ADCY7: variants seen among roughly 807,000 people sequenced by gnomAD.
ADCY7 encodes adenylate cyclase 7.
Under a neutral mutation model 120.6 loss-of-function variants are expected in ADCY7, and 72 were observed. That is an observed-to-expected ratio of 0.60 (90% CI 0.49 to 0.73). The LOEUF (loss-of-function observed/expected upper bound fraction) is 0.73, where lower values mean the gene tolerates loss of function less well. Among genes scored for constraint, ADCY7 ranks in the 30% least tolerant of loss-of-function variants. The probability of loss-of-function intolerance (pLI) is 0.00; values close to 1 mark genes in which losing one functional copy is unlikely to be tolerated. For missense variants in ADCY7, 1,227 were observed against 1,486.0 expected (o/e 0.83, Z 2.87); for synonymous variants, 661 against 628.0 (o/e 1.05, Z -0.78).
At chr16:50,253,622 C>T (rs2032823860) in intron 1 of ADCY7, among the ~76,000 whole-genome samples, 1 of 152,230 alleles carries the variant, frequency 6.6e-6, no homozygotes, top group African/African-American at 2.4e-5. Context: ...GGGACCACGT[C>T]TGGGAGTGTG....
At chr16:50,251,001 A>G (rs1232314902) in intron 1 of ADCY7, among the ~76,000 whole-genome samples, 3 of 152,122 alleles carry the variant, frequency 2.0e-5, no homozygotes, top group African/African-American at 7.2e-5. Context: ...TTGGGAGGCC[A>G]AGGTAGGAGG....
At chr16:50,253,320 G>A (rs187401546) in intron 1 of ADCY7, among the ~76,000 whole-genome samples, 3 of 152,162 alleles carry the variant, frequency 2.0e-5, no homozygotes, top group African/African-American at 4.8e-5. Flanking sequence ...GCGCAATCTC[G>A]TCTCACTGCA....
At chr16:50,263,180 A>G (rs2033104091), upstream of ADCY7, among the ~76,000 whole-genome samples, 1 of 152,054 alleles carries the variant, frequency 6.6e-6, no homozygotes, top group South Asian at 2.1e-4. Context: ...GGCCTTCCTC[A>G]GTGGGGCTGC....
intron 10 of ADCY7, among the ~76,000 whole-genome samples, chr16:50,303,510 C>G (rs1008319501): frequency 6.6e-6 from 1 of 152,186 alleles, no homozygotes; most frequent in African/African-American, 2.4e-5. Flanking sequence ...TTAAGCTCAT[C>G]TCTGGTGGCC....
intron 1 of ADCY7, among the ~76,000 whole-genome samples, chr16:50,269,266 G>T (rs115032506): frequency 6.6e-6 from 1 of 152,316 alleles, no homozygotes; most frequent in African/African-American, 2.4e-5. Context: ...ATCCAGTTGT[G>T]CCCACCACAG....
chr16:50,305,610 C>CCCCCCTCTCCTCT, intron 13 of ADCY7, 24 bp downstream of exon 13: 1 of 1,571,808 alleles, frequency 6.4e-7, no homozygotes, highest in South Asian at 1.2e-5. Context: ...CCTCTGTCCA[C>CCCCCCTCTCCTCT]CCCCCTCTCC....
intron 1 of ADCY7, among the ~76,000 whole-genome samples, chr16:50,247,461 AG>A (rs2032625836): frequency 6.6e-6 from 1 of 151,784 alleles, no homozygotes; most frequent in African/African-American, 2.4e-5. Context: ...TCCCAGGCTC[AG>A]GTGATCCTCC....
At chr16:50,288,729 C>T (rs1019992979) in intron 2 of ADCY7, among the ~76,000 whole-genome samples, 22 of 152,138 alleles carry the variant, frequency 1.4e-4, no homozygotes, top group Non-Finnish European at 1.5e-4. Context: ...CCACCTGCTT[C>T]GGCCCCCCAA....
chr16:50,283,782 C>T (rs769999785), intron 1 of ADCY7, among the ~76,000 whole-genome samples: 5 of 152,146 alleles, frequency 3.3e-5, no homozygotes, highest in Non-Finnish European at 7.4e-5. Flanking sequence ...GGAGTTCAGA[C>T]AGGACCCATG....
At chr16:50,245,409 A>G (rs2032548414), upstream of ADCY7, among the ~76,000 whole-genome samples, 1 of 152,092 alleles carries the variant, frequency 6.6e-6, no homozygotes, top group African/African-American at 2.4e-5. Flanking sequence ...GCCCTCGTAG[A>G]CTTGATTACT....
chr16:50,315,732 G>T lies in ADCY7; in HGVS notation c.*227G>T. 1 of 481,640 alleles carries T rather than the reference G, an allele frequency of 2.1e-6. No individual in the cohort carries two copies. The allele number at this position is 481,640 out of a possible 1,614,324, so 29.8% of individuals were successfully genotyped here. ...GGGGAGGCCAGAAGCTCTGTGCCTG[G>T]TCTGTAACAGTTTCCAGGCCAGCTG... On this transcript the variant is annotated 3_prime_UTR_variant, in exon 26 of 26. Transcript: ENST00000673801.
chr16:50,277,180 G>A (rs2033949450), intron 1 of ADCY7, among the ~76,000 whole-genome samples: 1 of 152,076 alleles, frequency 6.6e-6, no homozygotes, highest in African/African-American at 2.4e-5. Context: ...TTGTAAGGTT[G>A]TATCATAATT....
chr16:50,267,228 A>AG (rs2033271670), intron 1 of ADCY7, among the ~76,000 whole-genome samples: 1 of 152,204 alleles, frequency 6.6e-6, no homozygotes, highest in African/African-American at 2.4e-5. Context: ...TCTATCCCCC[A>AG]GGGACCGCAT....
At chr16:50,290,429 G>A in intron 2 of ADCY7, 28 bp from the exon 3 acceptor site, 7 of 1,613,496 alleles carry the variant, frequency 4.3e-6, no homozygotes, top group East Asian at 2.2e-5. Context: ...GGAAAGCCGA[G>A]GCATTCCTGT....
chr16:50,294,695 A>C lies in ADCY7; in HGVS notation c.892A>C (p.Lys298Gln). Residue 298 changes from lysine to glutamine, a missense_variant, in exon 7 of 26, where the codon AAG (lysine) becomes CAG (glutamine). Around this residue, in one of 5 missense-constraint regions of ADCY7, gnomAD observed 382 missense variants for 411.4 expected, o/e 0.93. Coordinates refer to ENST00000673801, the MANE Select transcript of ADCY7 (RefSeq NM_001114.5). ...GCAGCTGGCCAGCGACTGTTCTCCC[A>C]AGGAGCTGGTGGTGGTGCTGAATGA... is the stretch of plus-strand genomic sequence containing the variant. ...FTQLASDCSP[K>Q]ELVVVLNELF... 1 of 1,566,578 alleles carries C rather than the reference A, an allele frequency of 6.4e-7. No individual in the cohort carries two copies. Among genetic ancestry groups the C allele is most frequent in the Non-Finnish European group, 8.7e-7 (1 of 1,146,828 alleles).
intron 19 of ADCY7, 70 bp downstream of exon 19, chr16:50,310,950 C>G: frequency 1.4e-6 from 2 of 1,442,746 alleles, no homozygotes; most frequent in Non-Finnish European, 1.9e-6. Flanking sequence ...CTGCTCGCAC[C>G]AAGGGGCTTC....
chr16:50,267,406 T>C (rs1201024662), intron 1 of ADCY7, among the ~76,000 whole-genome samples: 2 of 152,118 alleles, frequency 1.3e-5, no homozygotes, highest in Non-Finnish European at 2.9e-5. Context: ...TGGACAGCCA[T>C]TGCTGGAGAG....
chr16:50,296,052 T>C (rs1263595698), intron 7 of ADCY7, among the ~76,000 whole-genome samples: 2 of 152,112 alleles, frequency 1.3e-5, no homozygotes, highest in Non-Finnish European at 2.9e-5. Flanking sequence ...CCATCAGAGT[T>C]CTGTTTTGTT....
chr16:50,286,445 AAG>A (rs1555519812), intron 1 of ADCY7, among the ~76,000 whole-genome samples: 2 of 150,398 alleles, frequency 1.3e-5, no homozygotes, highest in African/African-American at 2.4e-5. Context: ...AAAAAAAAAA[AAG>A]AGAGAAAGAA....
Sources: allele counts gnomAD v4.1 joint callset (sites outside exome capture counted in the v4.1 genomes callset), GRCh38; gene constraint gnomAD v4.1.1; regional missense constraint gnomAD v4.1.1; transcripts MANE v1.5; gene names NCBI Gene and HGNC (gene_info 2026-07-23, HGNC 2026-07-21).